NCAPH: variants seen among roughly 807,000 people sequenced by gnomAD.
The protein encoded by NCAPH is non-SMC condensin I complex subunit H.
A neutral mutation model predicts 85.5 loss-of-function variants in NCAPH; 38 were observed. The ratio of observed to expected loss-of-function variants is 0.44; its 90% confidence interval spans 0.34 to 0.58. NCAPH has a LOEUF of 0.58. NCAPH is among the 20% of genes least tolerant of loss of function. NCAPH has a pLI of 0.01. For synonymous variants in NCAPH, 301 were observed against 335.1 expected (o/e 0.90, Z 1.11); for missense variants, 789 against 916.6 (o/e 0.86, Z 1.80).
chr2:96,349,345 A>AAT (rs1380589087), intron 6 of NCAPH, among the ~76,000 whole-genome samples: 2 of 152,062 alleles, frequency 1.3e-5, no homozygotes, highest in African/African-American at 2.4e-5. Context: ...TCACAAACAG[A>AAT]ATTTAAAGCT....
In NCAPH at chr2:96,341,841, T is replaced by C. The variant is rs2064299697; in HGVS notation, c.219T>C (p.Phe73=). 1 of 1,613,532 alleles carries C rather than the reference T, an allele frequency of 6.2e-7. No homozygotes were observed. The highest frequency in any genetic ancestry group is 1.3e-5 in the African/African-American group (1 of 75,036). Reference sequence around the variant, plus strand: ...TGCAGCGGAGGCGCTCGAGGGTCTTTGATCTGCAGTTCAGCACTGACTCAC... The same window carrying C: ...TGCAGCGGAGGCGCTCGAGGGTCTTCGATCTGCAGTTCAGCACTGACTCAC... ...ERLQRRRSRV[F]DLQFSTDSPR... is the part of the protein sequence containing the mutation. The change falls in exon 2 of 18, where the codon TTT becomes TTC. Residue 73 remains phenylalanine (F), a synonymous_variant. Transcript: ENST00000240423.
Position 96,351,860 on chromosome 2 carries a change from C to T in NCAPH, c.750C>T (p.Ala250=), listed in dbSNP as rs745837087. Residue 250 remains alanine (A), a synonymous_variant, in exon 7 of 18, where the codon GCC becomes GCT. Transcript: ENST00000240423. ...ATCCCATGTTTCAGAAGACAGCAGC[C>T]TCATTTGATGAGTGCAGCACAGCAG... The part of the protein sequence containing the change: ...EIDPMFQKTA[A]SFDECSTAGV... 1.6e-5 allele frequency: 25 copies of T among 1,606,828 alleles called. No individual in the cohort carries two copies. Among genetic ancestry groups the T allele is most frequent in the Non-Finnish European group, 2.0e-5 (24 of 1,177,734 alleles).
chr2:96,371,518 C>T (rs1266746756), intron 17 of NCAPH, among the ~76,000 whole-genome samples: 1 of 152,156 alleles, frequency 6.6e-6, no homozygotes, highest in Admixed American at 6.5e-5. Flanking sequence ...TCACTGAGGT[C>T]GTGCTGCTCC....
In NCAPH at chr2:96,343,237, A is replaced by G. The variant is rs1028090122; in HGVS notation, c.528A>G (p.Val176=). The change falls in exon 5 of 18, where the codon GTA becomes GTG. Residue 176 remains valine, a synonymous_variant. Transcript: ENST00000240423. ...GCGTGGATGCCGTCCATGCCGATGT[A>G]TACAGAGTCCTTGGGGGGCTGGGCA... ...AVRVDAVHAD[V]YRVLGGLGKD... is the part of the protein sequence containing the mutation. 2 of 1,614,124 alleles carry G rather than the reference A, an allele frequency of 1.2e-6. No individual in the cohort carries two copies. The highest frequency in any genetic ancestry group is 1.7e-6 in the Non-Finnish European group (2 of 1,180,002).
chr2:96,339,791 T>G (rs2064266449), intron 1 of NCAPH, among the ~76,000 whole-genome samples: 1 of 152,042 alleles, frequency 6.6e-6, no homozygotes, highest in Non-Finnish European at 1.5e-5. Context: ...TCTACATAGT[T>G]TATCACATCC....
intron 17 of NCAPH, among the ~76,000 whole-genome samples, chr2:96,371,826 T>C (rs189104403): frequency 6.6e-6 from 1 of 152,298 alleles, no homozygotes; most frequent in East Asian, 1.9e-4. Context: ...ACAGCAGAAC[T>C]TGACCTCCTC....
At chr2:96,342,279 T>C in intron 3 of NCAPH, 139 bp downstream of exon 3, 1 of 841,854 alleles carries the variant, frequency 1.2e-6, no homozygotes, top group Non-Finnish European at 1.9e-6. Context: ...GGTTTTACTG[T>C]TTACTCTGGA....
chr2:96,354,474 T>A, intron 9 of NCAPH, 86 bp downstream of exon 9: 1 of 1,182,912 alleles, frequency 8.5e-7, no homozygotes, highest in African/African-American at 1.6e-5. Context: ...ATTAAAAAAT[T>A]TTTCTTTCTT....
chr2:96,343,407 A>C, intron 5 of NCAPH, 103 bp downstream of exon 5: 1 of 1,380,728 alleles, frequency 7.2e-7, no homozygotes, highest in Non-Finnish European at 9.6e-7. Flanking sequence ...AAGTGATCTC[A>C]TTTTATTGAA....
Position 96,369,499 on chromosome 2 carries a change from A to G in NCAPH, c.2165A>G (p.Lys722Arg). 6.2e-7 allele frequency: 1 copy of G among 1,613,326 alleles called. No individual in the cohort carries two copies. Among genetic ancestry groups the G allele is most frequent in the Non-Finnish European group, 8.5e-7 (1 of 1,179,304 alleles). ...FACLLHLANEKNLKLEGTEDL... is the reference protein window; with the variant it reads ...FACLLHLANERNLKLEGTEDL... ...TGTCTCCTACATTTAGCCAATGAAA[A>G]GGTAGGTAATTAAGGTAAGCATGGG... Residue 722 changes from lysine to arginine, a missense_variant and splice_region_variant, in exon 17 of 18, where the codon AAG becomes AGG. Transcript: ENST00000240423.
At chr2:96,343,058 A>G (rs1364597137) in intron 4 of NCAPH, 108 bp from the exon 5 acceptor site, 2 of 1,460,204 alleles carry the variant, frequency 1.4e-6, no homozygotes, top group Admixed American at 2.2e-5. Flanking sequence ...GATCTTTGTC[A>G]TTGCTTCCTT....
Position 96,363,629 on chromosome 2 carries a change from G to C in NCAPH, c.1588-852G>C, listed in dbSNP as rs375411261. Among the ~76,000 whole-genome samples the C allele has an allele frequency of 4.5e-4, 68 of 152,256 alleles. 1 individual carries two copies. In the South Asian group the frequency reaches 0.014, roughly 32 times the overall value. ...AAGTAGAAATCACTGGTCTAAGGAA[G>C]GACCTGCAAATATTTGAAAGACTGT... is the stretch of plus-strand genomic sequence containing the variant. On this transcript the variant is annotated intron_variant, in intron 12 of 17. Coordinates refer to ENST00000240423, the MANE Select transcript of NCAPH (RefSeq NM_015341.5).
At chr2:96,348,336 C>G (rs1035410388) in intron 6 of NCAPH, among the ~76,000 whole-genome samples, 10 of 151,718 alleles carry the variant, frequency 6.6e-5, no homozygotes, top group Non-Finnish European at 1.2e-4. Flanking sequence ...ACTACAGGCA[C>G]CCGCCACCAT....
intron 6 of NCAPH, among the ~76,000 whole-genome samples, chr2:96,348,231 C>T (rs1207507416): frequency 6.6e-6 from 1 of 150,826 alleles, no homozygotes; most frequent in Non-Finnish European, 1.5e-5. Flanking sequence ...GCTCCGTCGC[C>T]CAGGCTGGAG....
At position 96,335,857 on chromosome 2, in the gene NCAPH, G is replaced by A. The variant is rs201449906; in HGVS notation, c.19+9G>A. The A allele has an allele frequency of 2.0e-6, 3 of 1,486,934 alleles. No homozygotes were observed. Among genetic ancestry groups the A allele is most frequent in the East Asian group, 5.8e-5 (2 of 34,578 alleles). 92.1% of individuals were successfully genotyped at this position (1,486,934 alleles called of 1,614,324 possible). A position where few individuals can be genotyped will look rare whatever the true frequency, so the allele number is the denominator to read the frequency against. ...GGGACCTCCCGGCCCAGGTGAGCCG[G>A]GCGGTCGGGAGGCGCGGCGGGAAGG... is the stretch of plus-strand genomic sequence containing the variant. On this transcript the variant is annotated intron_variant, in intron 1 of 17. Coordinates refer to ENST00000240423, the MANE Select transcript of NCAPH (RefSeq NM_015341.5).
At chr2:96,342,277 T>A (rs2064306202) in intron 3 of NCAPH, 137 bp downstream of exon 3, 2 of 848,462 alleles carry the variant, frequency 2.4e-6, no homozygotes, top group African/African-American at 1.7e-5. Context: ...GTGGTTTTAC[T>A]GTTTACTCTG....
chr2:96,362,367 C>T (rs1017884894), intron 12 of NCAPH, among the ~76,000 whole-genome samples: 4 of 152,086 alleles, frequency 2.6e-5, no homozygotes, highest in East Asian at 1.9e-4. Context: ...CGATGGCTCA[C>T]GCCTGTAATC....
At chr2:96,372,984 C>T (rs576929266) in intron 17 of NCAPH, among the ~76,000 whole-genome samples, 17 of 152,220 alleles carry the variant, frequency 1.1e-4, no homozygotes, top group African/African-American at 4.1e-4. Context: ...TCCTCATGAC[C>T]TCCCATCTGC....
At chr2:96,338,241 GAAAAAAAAAAAA>G (rs34560390) in intron 1 of NCAPH, among the ~76,000 whole-genome samples, 2 of 80,830 alleles carry the variant, frequency 2.5e-5, no homozygotes, top group South Asian at 6.0e-4. Flanking sequence ...CTATTTTATT[GAAAAAAAAAAAA>G]AAAAAAAAAA....
Sources: gnomAD v4.1 joint callset for allele counts (sites outside exome capture counted in the v4.1 genomes callset) on GRCh38, gnomAD v4.1.1 for gene constraint, MANE v1.5 for transcripts, NCBI Gene and HGNC (gene_info 2026-07-23, HGNC 2026-07-21) for gene names.